The following CNTN5 variants were observed in gnomAD, a reference collection of about 807,000 sequenced individuals.
CNTN5 encodes contactin 5, also known as contactin-5.
A neutral mutation model predicts 129.1 loss-of-function variants in CNTN5; 77 were observed. The ratio of observed to expected loss-of-function variants is 0.60; its 90% CI spans 0.50 to 0.72. The LOEUF (loss-of-function observed/expected upper bound fraction) is 0.72, where lower values mean the gene tolerates loss of function less well. Ranked by LOEUF, CNTN5 falls within the 30% of genes least tolerant of loss-of-function variation. CNTN5 has a pLI of 0.00. For synonymous variants in CNTN5, 509 were observed against 465.6 expected, an observed-to-expected ratio of 1.09 and a Z score of -1.20; for missense variants, 1,478 against 1,328.8, an observed-to-expected ratio of 1.11 and a Z score of -1.75.
chr11:99,181,527 A>AGTACC (rs762663404), intron 1 of CNTN5, among the ~76,000 whole-genome samples: 31 of 152,180 alleles, frequency 2.0e-4, no homozygotes, highest in Non-Finnish European at 3.5e-4. Context: ...ACACATAGCC[A>AGTACC]GTACCGACTG....
chr11:100,034,918 A>G (rs940368185), intron 9 of CNTN5, among the ~76,000 whole-genome samples: 8 of 152,086 alleles, frequency 5.3e-5, no homozygotes, highest in African/African-American at 1.9e-4. Flanking sequence ...CCTCATCACT[A>G]AATAGTGCTA....
chr11:99,234,005 C>T (rs781077306), intron 1 of CNTN5, among the ~76,000 whole-genome samples: 2 of 152,058 alleles, frequency 1.3e-5, no homozygotes, highest in South Asian at 4.2e-4. Context: ...AGAAATACAG[C>T]TCAAAGAGAG....
intron 3 of CNTN5, among the ~76,000 whole-genome samples, chr11:99,740,028 C>G (rs1487402553): frequency 2.0e-5 from 3 of 149,162 alleles, no homozygotes; most frequent in Non-Finnish European, 4.5e-5. Context: ...TATCTTCGAT[C>G]TCAAAACATT....
intron 20 of CNTN5, among the ~76,000 whole-genome samples, chr11:100,300,337 A>G (rs1951190964): frequency 6.6e-6 from 1 of 151,428 alleles, no homozygotes; most frequent in Non-Finnish European, 1.5e-5. Flanking sequence ...TCAGGATTTC[A>G]GTTAACCTTA....
intron 3 of CNTN5, among the ~76,000 whole-genome samples, chr11:99,732,608 G>GA (rs1278447652): frequency 3.9e-5 from 6 of 152,196 alleles, no homozygotes; most frequent in African/African-American, 1.4e-4. Context: ...AAGGATGCTG[G>GA]AGAAGGCCTG....
intron 2 of CNTN5, among the ~76,000 whole-genome samples, chr11:99,479,832 G>C (rs556776896): frequency 6.6e-6 from 1 of 151,832 alleles, no homozygotes; most frequent in East Asian, 1.9e-4. Context: ...TAAATGGTCT[G>C]ATGAAAATTT....
chr11:99,329,098 C>G (rs1011524327), intron 2 of CNTN5, among the ~76,000 whole-genome samples: 7 of 151,988 alleles, frequency 4.6e-5, no homozygotes, highest in Admixed American at 4.6e-4. Flanking sequence ...ATCAGCCTAT[C>G]CATAGGAAAT....
chr11:99,867,343 G>T (rs1369368743), intron 6 of CNTN5, among the ~76,000 whole-genome samples: 1 of 152,186 alleles, frequency 6.6e-6, no homozygotes, highest in Admixed American at 6.5e-5. Context: ...ATAAGAACCA[G>T]AGTGCATGAG....
At chr11:99,273,152 C>T (rs920775394) in intron 1 of CNTN5, among the ~76,000 whole-genome samples, 5 of 151,542 alleles carry the variant, frequency 3.3e-5, no homozygotes, top group Non-Finnish European at 7.4e-5. Context: ...AGTTATGAGG[C>T]GAGCGGTCTA....
chr11:99,930,957 A>C (rs1233743293), intron 7 of CNTN5, among the ~76,000 whole-genome samples: 1 of 152,162 alleles, frequency 6.6e-6, no homozygotes, highest in Non-Finnish European at 1.5e-5. Context: ...TATTTTTATT[A>C]TATCATGTCT....
chr11:99,357,599 G>A (rs530559216), intron 2 of CNTN5, among the ~76,000 whole-genome samples: 14 of 151,188 alleles, frequency 9.3e-5, no homozygotes, highest in African/African-American at 2.4e-5. Context: ...ACTCAGAAAT[G>A]GCTCTATAGC....
chr11:100,313,616 G>A (rs1591505782), intron 21 of CNTN5, among the ~76,000 whole-genome samples: 1 of 151,868 alleles, frequency 6.6e-6, no homozygotes, highest in Non-Finnish European at 1.5e-5. Context: ...GAGAGAACAG[G>A]GCTGAAAACA....
At chr11:99,878,861 AT>A (rs776873293) in intron 6 of CNTN5, among the ~76,000 whole-genome samples, 36 of 152,306 alleles carry the variant, frequency 2.4e-4, no homozygotes, top group African/African-American at 4.8e-4. Flanking sequence ...CTCAAAAAAA[AT>A]AATTAATAAT....
intron 3 of CNTN5, among the ~76,000 whole-genome samples, chr11:99,713,423 A>G (rs1174552803): frequency 2.0e-5 from 3 of 152,196 alleles, no homozygotes; most frequent in Admixed American, 2.0e-4. Flanking sequence ...TTCTAAATAC[A>G]CAATCACGTC....
chr11:100,301,165 T>C (rs1252575449), intron 20 of CNTN5, among the ~76,000 whole-genome samples: 4 of 151,654 alleles, frequency 2.6e-5, no homozygotes, highest in South Asian at 4.1e-4. Context: ...AGAAAGTACA[T>C]ATTCTTTTTC....
chr11:100,041,067 C>G (rs759488822), intron 9 of CNTN5, among the ~76,000 whole-genome samples: 20 of 152,226 alleles, frequency 1.3e-4, no homozygotes, highest in Non-Finnish European at 2.4e-4. Context: ...TTCTGCGTCA[C>G]TCACACTAGG....
intron 1 of CNTN5, among the ~76,000 whole-genome samples, chr11:99,115,781 A>C (rs1242565768): frequency 1.3e-5 from 2 of 152,018 alleles, no homozygotes; most frequent in African/African-American, 4.8e-5. Flanking sequence ...ACAACAACAA[A>C]AAAGATAAAA....
intron 2 of CNTN5, among the ~76,000 whole-genome samples, chr11:99,518,582 T>C (rs1947148100): frequency 6.6e-6 from 1 of 152,074 alleles, no homozygotes; most frequent in Non-Finnish European, 1.5e-5. Flanking sequence ...TGTTTTACAT[T>C]GGAAAAGTGA....
intron 2 of CNTN5, among the ~76,000 whole-genome samples, chr11:99,495,564 T>C (rs1265439883): frequency 1.3e-5 from 2 of 152,126 alleles, no homozygotes; most frequent in Non-Finnish European, 2.9e-5. Flanking sequence ...AACTCCAATT[T>C]TGTAAGAGAA....
Sources: gnomAD v4.1 joint callset for allele counts (sites outside exome capture counted in the v4.1 genomes callset) on GRCh38, gnomAD v4.1.1 for gene constraint, MANE v1.5 for transcripts, NCBI Gene and HGNC (gene_info 2026-07-23, HGNC 2026-07-21) for gene names.